ZNF600: variants seen among roughly 807,000 people sequenced by gnomAD.
The protein encoded by ZNF600 is zinc finger protein KR-ZNF1.
In ZNF600, 4 loss-of-function variants were observed where a neutral mutation model predicts 7.3. That is an observed-to-expected ratio of 0.55 (90% CI 0.27 to 1.25). The LOEUF is 1.25. ZNF600 is among the 50% of genes most tolerant of loss of function. The pLI, the probability that ZNF600 is intolerant of heterozygous loss-of-function variation, is 0.12. For synonymous variants in ZNF600, 290 were observed against 308.9 expected (o/e 0.94, Z 0.64); for missense variants, 911 against 922.1 (o/e 0.99, Z 0.16).
At chr19:52,824,965 T>G in the ZNF600 span, among the ~76,000 whole-genome samples, 1 of 152,126 alleles carries the variant, frequency 6.6e-6, no homozygotes, top group Non-Finnish European at 1.5e-5. Context: ...GACACGGTGG[T>G]GCACACCTGT....
At chr19:52,809,822 A>AGGCGGCGGC in the ZNF600 span, 247 of 527,342 alleles carry the variant, frequency 4.7e-4, 4 homozygotes, top group Middle Eastern at 3.7e-3. Context: ...TGAGCGGCGA[A>AGGCGGCGGC]GGCGGCGGCG....
the ZNF600 span, among the ~76,000 whole-genome samples, chr19:52,812,762 T>TCAA: frequency 1.3e-5 from 1 of 75,400 alleles, no homozygotes; most frequent in Non-Finnish European, 2.8e-5. Context: ...GAATGATCAA[T>TCAA]AAAAAAAAAA....
At chr19:52,782,015 C>T (rs988000695) in intron 1 of ZNF600, among the ~76,000 whole-genome samples, 1 of 151,860 alleles carries the variant, frequency 6.6e-6, no homozygotes, top group African/African-American at 2.4e-5. Flanking sequence ...GAGACGAGAT[C>T]GTGCCACTGC....
chr19:52,778,892 T>C, exon 2 of ZNF600: 7 of 1,600,906 alleles, frequency 4.4e-6, no homozygotes, highest in Non-Finnish European at 5.9e-6. Context: ...ATAACATGAG[T>C]CTTTAGGAAT....
the ZNF600 span, among the ~76,000 whole-genome samples, chr19:52,813,929 CTGTT>C: frequency 1.4e-5 from 2 of 145,384 alleles, no homozygotes; most frequent in Admixed American, 6.9e-5. Context: ...GAGATGGACT[CTGTT>C]TATTTTTTTA....
chr19:52,803,882 A>G, the ZNF600 span, among the ~76,000 whole-genome samples: 5 of 152,168 alleles, frequency 3.3e-5, no homozygotes, highest in African/African-American at 1.2e-4. Flanking sequence ...ATTTGTACCC[A>G]GAAGGTGAAG....
chr19:52,794,080 G>C, the ZNF600 span, among the ~76,000 whole-genome samples: 15 of 152,004 alleles, frequency 9.9e-5, no homozygotes, highest in African/African-American at 2.9e-4. Flanking sequence ...GAGAGCTGAG[G>C]AGACAACTGG....
chr19:52,786,943 T>G (rs372010964), upstream of ZNF600, among the ~76,000 whole-genome samples: 6 of 152,312 alleles, frequency 3.9e-5, no homozygotes, highest in Non-Finnish European at 5.9e-5. Context: ...TTTTTCGAGT[T>G]TTTGGAGGCG....
At chr19:52,800,034 T>C in the ZNF600 span, 1 of 1,614,216 alleles carries the variant, frequency 6.2e-7, no homozygotes, top group Non-Finnish European at 8.5e-7. Context: ...GTAAGGTTTC[T>C]CTCCAGTATG....
chr19:52,817,982 T>C, the ZNF600 span: 25 of 1,610,942 alleles, frequency 1.6e-5, no homozygotes, highest in South Asian at 2.5e-4. Flanking sequence ...GCTTTCCTCT[T>C]CCTCTTCTGG....
rs745346615 is a variant in ZNF600 at position 52,765,714 on chromosome 19, A to T, written c.2249T>A (p.Leu750Gln). Residue 750 changes from leucine to glutamine, a missense_variant, in exon 4 of 4, where the codon CTG (leucine) becomes CAG (glutamine). Coordinates refer to ENST00000648973, the Ensembl canonical transcript of ZNF600. ...AGTGTGAAGTCCAGTATGTTGTTTC[A>T]GGTGTGAATCACTCCCAAAAGTCTT... 4.3e-6 allele frequency: 7 copies of T among 1,613,766 alleles called. No homozygotes were observed. In the African/African-American group the frequency reaches 6.7e-5, roughly 15 times the overall value.
chr19:52,798,710 CGAT>C, the ZNF600 span: 2 of 458,886 alleles, frequency 4.4e-6, no homozygotes, highest in Non-Finnish European at 8.5e-6. Flanking sequence ...AGCATGAGTT[CGAT>C]GATGAATAGC....
At chr19:52,771,401 C>T (rs9749526) in intron 3 of ZNF600, among the ~76,000 whole-genome samples, 9,423 of 151,716 alleles carry the variant, frequency 0.062, 945 homozygotes, top group African/African-American at 0.21. Context: ...AGTGGCACGA[C>T]TCTCCTACCT....
chr19:52,770,217 G>A (rs1052878114), intron 3 of ZNF600, among the ~76,000 whole-genome samples: 1 of 152,144 alleles, frequency 6.6e-6, no homozygotes, highest in African/African-American at 2.4e-5. Context: ...GGAGACATGT[G>A]GAGCACGAGG....
At chr19:52,820,966 C>T in the ZNF600 span, among the ~76,000 whole-genome samples, 3 of 152,048 alleles carry the variant, frequency 2.0e-5, no homozygotes, top group Admixed American at 2.0e-4. Context: ...AGTAAGACAC[C>T]TGCATCTCGG....
At chr19:52,802,862 G>C in the ZNF600 span, among the ~76,000 whole-genome samples, 3 of 147,120 alleles carry the variant, frequency 2.0e-5, no homozygotes, top group South Asian at 6.5e-4. Context: ...CCGGGTTCAC[G>C]CCATTCTCCT....
intron 1 of ZNF600, among the ~76,000 whole-genome samples, 157 bp from the exon 2 acceptor site, chr19:52,781,621 C>A (rs907851562): frequency 6.6e-6 from 1 of 152,096 alleles, no homozygotes; most frequent in East Asian, 1.9e-4. Context: ...AAAAAATTAG[C>A]CAGGCATCAT....
the ZNF600 span, among the ~76,000 whole-genome samples, chr19:52,812,175 C>T: frequency 8.2e-6 from 1 of 121,886 alleles, no homozygotes; most frequent in Non-Finnish European, 1.6e-5. Flanking sequence ...CCAGCCGCCC[C>T]ATCTGGGAGG....
At chr19:52,822,929 A>G in the ZNF600 span, among the ~76,000 whole-genome samples, 2 of 152,098 alleles carry the variant, frequency 1.3e-5, no homozygotes, top group East Asian at 3.8e-4. Flanking sequence ...GGAAACGTCA[A>G]CTCCAAATGA....
Sources: allele counts gnomAD v4.1 joint callset (sites outside exome capture counted in the v4.1 genomes callset), GRCh38; gene constraint gnomAD v4.1.1; transcripts MANE v1.5; gene names NCBI Gene and HGNC (gene_info 2026-07-23, HGNC 2026-07-21).